The following OSBPL6 variants were observed in gnomAD, a reference collection of about 807,000 sequenced individuals.
The protein encoded by OSBPL6 is oxysterol-binding protein-related protein 6.
In OSBPL6, 49 loss-of-function variants were observed where a neutral mutation model predicts 125.8. The ratio of observed to expected loss-of-function variants is 0.39; its 90% CI spans 0.31 to 0.49. The LOEUF (loss-of-function observed/expected upper bound fraction) is 0.49, where lower values mean the gene tolerates loss of function less well. OSBPL6 is among the 20% of genes least tolerant of loss of function. The probability of loss-of-function intolerance (pLI) is 0.88; values close to 1 mark genes in which losing one functional copy is unlikely to be tolerated. For synonymous variants in OSBPL6, 394 were observed against 391.8 expected (o/e 1.01, Z -0.07); for missense variants, 986 against 1,135.4 (o/e 0.87, Z 1.89).
intron 1 of OSBPL6, among the ~76,000 whole-genome samples, chr2:178,204,334 C>T (rs34556844): frequency 0.046 from 7,046 of 152,246 alleles, 269 homozygotes; most frequent in Non-Finnish European, 0.068. Flanking sequence ...TCACTGAATT[C>T]TTGATGGGAA....
At chr2:178,214,332 T>C (rs2089994775) in intron 1 of OSBPL6, among the ~76,000 whole-genome samples, 1 of 152,256 alleles carries the variant, frequency 6.6e-6, no homozygotes, top group Non-Finnish European at 1.5e-5. Context: ...TACATCCTCT[T>C]TCCCCTTTCA....
intron 15 of OSBPL6, among the ~76,000 whole-genome samples, chr2:178,379,357 GAAGGAAGGAAAGGGAGGGAGGAA>G (rs1484287191): frequency 7.8e-6 from 1 of 128,072 alleles, no homozygotes; most frequent in Non-Finnish European, 1.6e-5. Flanking sequence ...GGAGGGAGGG[GAAGGAAGGAAAGGGAGGGAGGAA>G]AAGGAGAAAG....
At position 178,361,824 on chromosome 2, in the gene OSBPL6, AGAGT is replaced by A; in HGVS notation, c.1287+11_1287+14del. 4 of 1,613,914 alleles carry A rather than the reference AGAGT, an allele frequency of 2.5e-6. 1 individual carries two copies. In the South Asian group the frequency reaches 4.4e-5, roughly 18 times the overall value. On this transcript the variant is annotated intron_variant, in intron 13 of 24. Transcript: ENST00000190611. ...GACAGTCACTGTCTCAGGTAGGCAA[AGAGT>A]GTGTGTTTGCATGTACATGACACAC...
At chr2:178,381,548 T>A (rs1397407185) in intron 15 of OSBPL6, among the ~76,000 whole-genome samples, 1 of 151,718 alleles carries the variant, frequency 6.6e-6, no homozygotes, top group Non-Finnish European at 1.5e-5. Flanking sequence ...AGAGACAGGG[T>A]TTCACCATGT....
chr2:178,290,116 G>T (rs1474167074), intron 2 of OSBPL6, among the ~76,000 whole-genome samples: 1 of 151,982 alleles, frequency 6.6e-6, no homozygotes, highest in Non-Finnish European at 1.5e-5. Context: ...TGTCATTAGG[G>T]GTTATAAAAA....
chr2:178,306,378 G>A, intron 3 of OSBPL6, 92 bp downstream of exon 3: 1 of 802,286 alleles, frequency 1.2e-6, no homozygotes, highest in South Asian at 1.6e-5. Context: ...CTGAAATTTT[G>A]TTGTAAAGTC....
At chr2:178,307,588 G>C (rs1686885850) in intron 3 of OSBPL6, among the ~76,000 whole-genome samples, 1 of 145,310 alleles carries the variant, frequency 6.9e-6, no homozygotes, top group African/African-American at 2.9e-5. Context: ...GAAAGTAAGA[G>C]TACCAGGAAT....
At chr2:178,198,579 C>G (rs543504456) in intron 1 of OSBPL6, among the ~76,000 whole-genome samples, 6 of 150,974 alleles carry the variant, frequency 4.0e-5, no homozygotes, top group African/African-American at 1.5e-4. Flanking sequence ...GAGATTGCAC[C>G]ACTGCACTAC....
Position 178,336,440 on chromosome 2 carries a change from T to A in OSBPL6, c.790+7T>A. 1 of 1,613,152 alleles carries A rather than the reference T, an allele frequency of 6.2e-7. No individual in the cohort carries two copies. Among genetic ancestry groups the A allele is most frequent in the Non-Finnish European group, 8.5e-7 (1 of 1,179,652 alleles). On this transcript the variant is annotated splice_region_variant and intron_variant, in intron 9 of 24. Coordinates refer to ENST00000190611, the MANE Select transcript of OSBPL6 (RefSeq NM_032523.4). ...ATGGACAGGTGTGCAGAAGGTTAGTTCTTGCCCAGTGTGGCCTGAGAGTAA... is the reference window on the plus strand; with the variant it reads ...ATGGACAGGTGTGCAGAAGGTTAGTACTTGCCCAGTGTGGCCTGAGAGTAA...
chr2:178,235,200 C>G (rs544371258), intron 1 of OSBPL6, among the ~76,000 whole-genome samples: 1 of 151,930 alleles, frequency 6.6e-6, no homozygotes, highest in Admixed American at 6.6e-5. Flanking sequence ...GTCAAAGAGG[C>G]AAGACATTGG....
At chr2:178,291,733 C>T (rs539621776) in intron 2 of OSBPL6, among the ~76,000 whole-genome samples, 11 of 149,512 alleles carry the variant, frequency 7.4e-5, no homozygotes, top group Admixed American at 6.0e-4. Flanking sequence ...TCCCTCCTTC[C>T]TTTCTTTCCT....
In OSBPL6 at chr2:178,395,441, A is replaced by G. The variant is rs145127067; in HGVS notation, c.2697-10A>G. ...ATTCATGACTAATGTTGATGTTTATATTTTCACAGAAAAGTTATTGATGCC... is the reference window on the plus strand; with the variant it reads ...ATTCATGACTAATGTTGATGTTTATGTTTTCACAGAAAAGTTATTGATGCC... On this transcript the variant is annotated splice_polypyrimidine_tract_variant and intron_variant, in intron 24 of 24. Transcript: ENST00000190611. 2.5e-6 allele frequency: 4 copies of G among 1,598,492 alleles called. No homozygotes were observed. Among genetic ancestry groups the G allele is most frequent in the Non-Finnish European group, 3.4e-6 (4 of 1,166,524 alleles).
intron 3 of OSBPL6, among the ~76,000 whole-genome samples, chr2:178,312,826 G>A (rs1371824267): frequency 6.6e-6 from 1 of 152,070 alleles, no homozygotes; most frequent in Non-Finnish European, 1.5e-5. Context: ...TATATAATAA[G>A]GTCACTCAGT....
Position 178,262,354 on chromosome 2 carries a change from G to A in OSBPL6, c.-350-22573G>A, listed in dbSNP as rs372028731. 2.0e-5 allele frequency among the ~76,000 whole-genome samples: 3 copies of A among 152,134 alleles called. No homozygotes were observed. In the East Asian group the frequency reaches 5.8e-4, roughly 29 times the overall value. On this transcript the variant is annotated intron_variant, in intron 1 of 24. Coordinates refer to ENST00000190611, the MANE Select transcript of OSBPL6 (RefSeq NM_032523.4). ...ATTAATGTGTGAAATAATTGTTTGA[G>A]TATTAAATTTTCCATAATATGTATT... is the stretch of plus-strand genomic sequence containing the variant.
chr2:178,320,351 T>G (rs1467811641), intron 3 of OSBPL6: 1 of 1,613,098 alleles, frequency 6.2e-7, no homozygotes, highest in East Asian at 2.2e-5. Context: ...AGGTTCCTGG[T>G]TTTAAGCTAA....
rs149220970 is a variant in OSBPL6 at position 178,382,502 on chromosome 2, G to A, written c.1616G>A (p.Arg539Gln). 178 of 1,613,890 alleles carry A rather than the reference G, an allele frequency of 1.1e-4. No individual in the cohort carries two copies. The highest frequency in any genetic ancestry group is 9.9e-4 in the Middle Eastern group (6 of 6,062). ...ACCAGTGTTGCAGACAATATTTCTC[G>A]GCAAAGTATGCATCATTTGAGCTTC... Reference protein sequence around the residue: ...DNTSVADNISRQILNGELTGG... With the variant: ...DNTSVADNISQQILNGELTGG... Residue 539 changes from arginine to glutamine, a missense_variant, in exon 16 of 25, where the codon CGG becomes CAG. Around this residue, in one of 3 missense-constraint regions of OSBPL6, gnomAD observed 843 missense variants for 997.3 expected, o/e 0.85. Coordinates refer to ENST00000190611, the MANE Select transcript of OSBPL6 (RefSeq NM_032523.4).
intron 2 of OSBPL6, among the ~76,000 whole-genome samples, chr2:178,300,001 A>G (rs995073984): frequency 6.6e-6 from 1 of 152,196 alleles, no homozygotes; most frequent in African/African-American, 2.4e-5. Context: ...ATAGTTACGC[A>G]AATATTTAAA....
intron 2 of OSBPL6, among the ~76,000 whole-genome samples, chr2:178,286,509 C>G (rs921451660): frequency 6.6e-6 from 1 of 152,228 alleles, no homozygotes; most frequent in African/African-American, 2.4e-5. Context: ...GAAGCTGACA[C>G]TTGCCAGCCA....
intron 20 of OSBPL6, among the ~76,000 whole-genome samples, chr2:178,388,104 CT>C (rs1695102824): frequency 6.6e-6 from 1 of 152,062 alleles, no homozygotes; most frequent in Non-Finnish European, 1.5e-5. Flanking sequence ...TTAGAAGCAT[CT>C]TTTTTATGTT....
Sources: allele counts gnomAD v4.1 joint callset (sites outside exome capture counted in the v4.1 genomes callset), GRCh38; gene constraint gnomAD v4.1.1; regional missense constraint gnomAD v4.1.1; transcripts MANE v1.5; gene names NCBI Gene and HGNC (gene_info 2026-07-23, HGNC 2026-07-21).